The following RP1 variants were observed in gnomAD, a reference collection of about 807,000 sequenced individuals.
The protein encoded by RP1 is oxygen-regulated protein 1.
RP1 carries 16 observed loss-of-function variants against 14.8 expected under a neutral mutation model. That is an observed-to-expected ratio of 1.08 (90% CI 0.73 to 1.65). The LOEUF is 1.65. Ranked by LOEUF, RP1 falls within the 40% of genes most tolerant of loss-of-function variation. RP1 has a pLI of 0.00. For synonymous variants in RP1, 876 were observed against 883.6 expected (o/e 0.99, Z 0.15); for missense variants, 2,631 against 2,535.0 (o/e 1.04, Z -0.81).
At chr8:54,843,058 C>T (rs1811825123) in intron 25 of RP1, among the ~76,000 whole-genome samples, 1 of 152,044 alleles carries the variant, frequency 6.6e-6, no homozygotes, top group Non-Finnish European at 1.5e-5. Context: ...AGACGTACTT[C>T]TTTTGTGTGT....
At chr8:54,746,984 C>T (rs1458041569) in intron 19 of RP1, among the ~76,000 whole-genome samples, 1 of 152,146 alleles carries the variant, frequency 6.6e-6, no homozygotes, top group Non-Finnish European at 1.5e-5. Context: ...ATGAATTTTC[C>T]TAGATTGTTT....
chr8:54,848,636 G>GTTGCA (rs1811985882), intron 25 of RP1, among the ~76,000 whole-genome samples: 1 of 151,844 alleles, frequency 6.6e-6, no homozygotes, highest in Admixed American at 6.6e-5. Context: ...ATGATGCAGT[G>GTTGCA]GTATTATAAC....
chr8:54,659,507 T>C (rs1231347795), intron 6 of RP1, among the ~76,000 whole-genome samples: 4 of 152,204 alleles, frequency 2.6e-5, no homozygotes, highest in African/African-American at 7.2e-5. Flanking sequence ...CCTTGTGTGG[T>C]CTTGGCACCC....
At chr8:54,566,961 G>A (rs774550913) in intron 1 of RP1, among the ~76,000 whole-genome samples, 100 of 152,142 alleles carry the variant, frequency 6.6e-4, no homozygotes, top group Non-Finnish European at 1.2e-3. Context: ...GGTGAGCCAC[G>A]AACTCTGAAC....
intron 15 of RP1, among the ~76,000 whole-genome samples, chr8:54,708,248 A>G (rs147719385): frequency 6.6e-6 from 1 of 152,336 alleles, no homozygotes; most frequent in Non-Finnish European, 1.5e-5. Context: ...AAATGGGTCA[A>G]CATTGGAAAT....
intron 1 of RP1, among the ~76,000 whole-genome samples, chr8:54,619,310 G>C (rs1002068494): frequency 6.6e-6 from 1 of 152,086 alleles, no homozygotes; most frequent in Non-Finnish European, 1.5e-5. Flanking sequence ...TTGGACAACA[G>C]CTTGCAAACA....
At chr8:54,697,202 A>T in intron 12 of RP1, 2 of 701,888 alleles carry the variant, frequency 2.8e-6, no homozygotes, top group East Asian at 2.7e-5. Context: ...GGGAATTTTT[A>T]TCCAGAGAAG....
At chr8:54,851,081 A>T (rs961835709) in intron 25 of RP1, among the ~76,000 whole-genome samples, 1 of 152,078 alleles carries the variant, frequency 6.6e-6, no homozygotes. Context: ...GCATGTGTGC[A>T]TGTGCGTGCA....
chr8:54,630,839 C>G (rs779781430), downstream of RP1: 59 of 995,174 alleles, frequency 5.9e-5, no homozygotes, highest in Non-Finnish European at 6.6e-5. Flanking sequence ...TTTCTTGTGC[C>G]AAATATGTTG....
intron 12 of RP1, among the ~76,000 whole-genome samples, chr8:54,686,568 C>T (rs1237333677): frequency 1.3e-5 from 2 of 152,044 alleles, no homozygotes; most frequent in African/African-American, 4.8e-5. Context: ...TTTGAAATGG[C>T]ACAGGGAACT....
At chr8:54,560,731 A>G (rs1804268487) in intron 1 of RP1, 1 of 151,924 alleles carries the variant, frequency 6.6e-6, no homozygotes, top group Non-Finnish European at 1.5e-5. Context: ...TAAGGCCACA[A>G]CACACAGTGC....
chr8:54,682,151 T>C (rs920081522), intron 12 of RP1, among the ~76,000 whole-genome samples: 4 of 152,082 alleles, frequency 2.6e-5, no homozygotes, highest in African/African-American at 9.6e-5. Flanking sequence ...CTAACTTACA[T>C]TCCCACCAAC....
intron 27 of RP1, among the ~76,000 whole-genome samples, chr8:54,863,408 C>A: frequency 6.6e-6 from 1 of 152,178 alleles, no homozygotes; most frequent in African/African-American, 2.4e-5. Context: ...ATAATGAAAT[C>A]ACCTAATGAC....
downstream of RP1, among the ~76,000 whole-genome samples, chr8:54,634,333 A>G (rs1806307823): frequency 6.6e-6 from 1 of 152,222 alleles, no homozygotes; most frequent in South Asian, 2.1e-4. Flanking sequence ...AAAATAAGCA[A>G]TAAGAAATGC....
intron 1 of RP1, among the ~76,000 whole-genome samples, chr8:54,576,599 G>A (rs1408279283): frequency 2.0e-5 from 3 of 152,220 alleles, no homozygotes; most frequent in African/African-American, 7.2e-5. Context: ...ATCCTAGCCT[G>A]TGGGTTCTCA....
At chr8:54,772,859 C>T (rs1019771502), downstream of RP1, among the ~76,000 whole-genome samples, 1 of 152,042 alleles carries the variant, frequency 6.6e-6, no homozygotes, top group African/African-American at 2.4e-5. Flanking sequence ...ATTTTTTTAA[C>T]CTATTAAGCT....
At chr8:54,730,926 G>A (rs1808780633) in intron 17 of RP1, among the ~76,000 whole-genome samples, 1 of 152,042 alleles carries the variant, frequency 6.6e-6, no homozygotes. Flanking sequence ...TATATGTTTT[G>A]AAATTAGGGT....
At chr8:54,832,220 A>C (rs1244957698) in intron 24 of RP1, among the ~76,000 whole-genome samples, 1 of 151,702 alleles carries the variant, frequency 6.6e-6, no homozygotes, top group East Asian at 1.9e-4. Flanking sequence ...TAAATATTTA[A>C]GTATTTTTTC....
chr8:54,696,848 CTCATTT>C (rs1807877634), intron 12 of RP1: 2 of 751,370 alleles, frequency 2.7e-6, no homozygotes, highest in Non-Finnish European at 4.8e-6. Flanking sequence ...TGTCCAGTAA[CTCATTT>C]TGAAATGTGG....
Sources: gnomAD v4.1 joint callset for allele counts (sites outside exome capture counted in the v4.1 genomes callset) on GRCh38, gnomAD v4.1.1 for gene constraint, MANE v1.5 for transcripts, NCBI Gene and HGNC (gene_info 2026-07-23, HGNC 2026-07-21) for gene names.